MTUS2: variants seen among roughly 807,000 people sequenced by gnomAD.
MTUS2 encodes the protein microtubule-associated tumor suppressor candidate 2.
MTUS2 carries 40 observed loss-of-function variants against 114.1 expected under a neutral mutation model. That is an observed-to-expected ratio of 0.35 (90% CI 0.27 to 0.46). MTUS2 has a LOEUF of 0.46. Ranked by LOEUF, MTUS2 falls within the 20% of genes least tolerant of loss-of-function variation. The probability of loss-of-function intolerance (pLI) is 1.00; values close to 1 mark genes in which losing one functional copy is unlikely to be tolerated. For synonymous variants in MTUS2, 688 were observed against 672.0 expected, an observed-to-expected ratio of 1.02 and a Z score of -0.37; for missense variants, 1,679 against 1,705.4, an observed-to-expected ratio of 0.98 and a Z score of 0.27.
chr13:29,137,680 G>C (rs1892040793), intron 5 of MTUS2, among the ~76,000 whole-genome samples: 1 of 151,720 alleles, frequency 6.6e-6, no homozygotes, highest in Non-Finnish European at 1.5e-5. Flanking sequence ...ACAGTGGCGT[G>C]ATCTTGGCTC....
intron 2 of MTUS2, among the ~76,000 whole-genome samples, chr13:28,987,581 G>C (rs2138321817): frequency 6.6e-6 from 1 of 152,286 alleles, no homozygotes; most frequent in South Asian, 2.1e-4. Flanking sequence ...AACCAGGCTG[G>C]AAGCAACTTT....
intron 5 of MTUS2, among the ~76,000 whole-genome samples, chr13:29,272,701 C>A (rs749785775): frequency 6.6e-6 from 1 of 152,174 alleles, no homozygotes; most frequent in African/African-American, 2.4e-5. Context: ...TCCCCACAGT[C>A]CCAAAAATTT....
intron 2 of MTUS2, among the ~76,000 whole-genome samples, chr13:29,016,331 G>A (rs1886064927): frequency 6.7e-6 from 1 of 150,290 alleles, no homozygotes; most frequent in Non-Finnish European, 1.5e-5. Context: ...TTTTCTGGGT[G>A]GAATTCTCCC....
chr13:29,376,329 T>C (rs1460662933), intron 8 of MTUS2, among the ~76,000 whole-genome samples: 3 of 152,128 alleles, frequency 2.0e-5, no homozygotes, highest in Non-Finnish European at 4.4e-5. Flanking sequence ...CATCCACTTG[T>C]GGTGGTTAGA....
intron 9 of MTUS2, chr13:29,476,929 T>G (rs761130999): frequency 3.3e-5 from 5 of 152,218 alleles, no homozygotes; most frequent in Non-Finnish European, 7.3e-5. Flanking sequence ...TCAGTGAGCT[T>G]CTTGGTAAAC....
chr13:29,064,407 T>C (rs1291747776), intron 4 of MTUS2, among the ~76,000 whole-genome samples: 1 of 149,832 alleles, frequency 6.7e-6, no homozygotes, highest in Non-Finnish European at 1.5e-5. Flanking sequence ...TTTTTTTTTT[T>C]TTTTTTTGAC....
intron 5 of MTUS2, among the ~76,000 whole-genome samples, chr13:29,267,613 G>T (rs1317942705): frequency 6.6e-6 from 1 of 152,222 alleles, no homozygotes; most frequent in Non-Finnish European, 1.5e-5. Context: ...GGTTGTTCCA[G>T]CGGGCACATT....
chr13:28,904,442 G>A (rs967701604), intron 2 of MTUS2, among the ~76,000 whole-genome samples: 10 of 152,158 alleles, frequency 6.6e-5, no homozygotes, highest in Non-Finnish European at 1.0e-4. Flanking sequence ...AAGGTGTAAG[G>A]AAGGGATCCA....
chr13:29,423,675 A>G (rs1185524604), intron 8 of MTUS2, among the ~76,000 whole-genome samples: 2 of 152,338 alleles, frequency 1.3e-5, no homozygotes, highest in Non-Finnish European at 2.9e-5. Flanking sequence ...CAACAACCTC[A>G]TTGGGTACCA....
At chr13:29,364,922 A>C (rs1463008554) in intron 8 of MTUS2, among the ~76,000 whole-genome samples, 1 of 152,222 alleles carries the variant, frequency 6.6e-6, no homozygotes, top group Non-Finnish European at 1.5e-5. Flanking sequence ...TTTTATCTTG[A>C]ATAACCAAAG....
intron 4 of MTUS2, among the ~76,000 whole-genome samples, chr13:29,036,157 G>GAA (rs1491053075): frequency 1.3e-5 from 1 of 76,938 alleles, no homozygotes; most frequent in African/African-American, 8.0e-5. Flanking sequence ...AAAAAAAAAA[G>GAA]AAAGAAAAAT....
intron 2 of MTUS2, among the ~76,000 whole-genome samples, chr13:28,977,683 A>G (rs1271160545): frequency 6.6e-6 from 1 of 152,202 alleles, no homozygotes; most frequent in Non-Finnish European, 1.5e-5. Flanking sequence ...ATGATAATCA[A>G]AATAATTTAA....
chr13:29,039,354 T>C (rs1887237144), intron 4 of MTUS2, among the ~76,000 whole-genome samples: 1 of 152,144 alleles, frequency 6.6e-6, no homozygotes, highest in Non-Finnish European at 1.5e-5. Flanking sequence ...TTGGTGACCA[T>C]TGGAATCAGG....
intron 2 of MTUS2, among the ~76,000 whole-genome samples, chr13:28,968,766 T>C (rs1269666401): frequency 2.6e-5 from 4 of 152,240 alleles, no homozygotes; most frequent in Non-Finnish European, 5.9e-5. Context: ...TTTTAAACTT[T>C]GTCTTTTCTG....
intron 9 of MTUS2, among the ~76,000 whole-genome samples, chr13:29,458,390 A>G (rs1441519348): frequency 6.6e-6 from 1 of 152,218 alleles, no homozygotes; most frequent in Admixed American, 6.5e-5. Context: ...TTCCGCATAA[A>G]AGTATTCTAG....
At chr13:29,305,744 T>A (rs1417602618) in intron 6 of MTUS2, among the ~76,000 whole-genome samples, 1 of 152,152 alleles carries the variant, frequency 6.6e-6, no homozygotes, top group Non-Finnish European at 1.5e-5. Flanking sequence ...CTGAAACTAT[T>A]TCAAAAAATT....
intron 2 of MTUS2, among the ~76,000 whole-genome samples, chr13:29,017,893 T>C (rs898787697): frequency 1.3e-5 from 2 of 152,214 alleles, no homozygotes; most frequent in Admixed American, 6.5e-5. Flanking sequence ...ATAAGACACA[T>C]GTAACGATAA....
chr13:29,275,174 ACTT>A (rs1268335166), intron 5 of MTUS2, among the ~76,000 whole-genome samples: 2 of 152,088 alleles, frequency 1.3e-5, no homozygotes, highest in Admixed American at 6.5e-5. Flanking sequence ...CAGTCCATTC[ACTT>A]CTTCTTAAGT....
intron 5 of MTUS2, among the ~76,000 whole-genome samples, chr13:29,187,483 A>C (rs1189924130): frequency 6.6e-6 from 1 of 152,176 alleles, no homozygotes; most frequent in East Asian, 1.9e-4. Flanking sequence ...TATACAAAGA[A>C]ATTAGATAAG....
Sources: allele counts gnomAD v4.1 joint callset (sites outside exome capture counted in the v4.1 genomes callset), GRCh38; gene constraint gnomAD v4.1.1; transcripts MANE v1.5; gene names NCBI Gene and HGNC (gene_info 2026-07-23, HGNC 2026-07-21).